The following PTPN4 variants were observed in gnomAD, a reference collection of about 807,000 sequenced individuals.
PTPN4 encodes the protein tyrosine-protein phosphatase non-receptor type 4.
PTPN4 carries 49 observed loss-of-function variants against 135.5 expected under a neutral mutation model. The observed-to-expected ratio is 0.36, with a 90% confidence interval of 0.29 to 0.46. The LOEUF (loss-of-function observed/expected upper bound fraction) is 0.46, where lower values mean the gene tolerates loss of function less well. PTPN4 is among the 20% of genes least tolerant of loss of function. The pLI, the probability that PTPN4 is intolerant of heterozygous loss-of-function variation, is 1.00. For synonymous variants in PTPN4, 333 were observed against 369.9 expected (o/e 0.90, Z 1.14); for missense variants, 860 against 1,101.0 (o/e 0.78, Z 3.10).
At chr2:119,937,419 A>G (rs146502134) in intron 15 of PTPN4, among the ~76,000 whole-genome samples, 41 of 152,294 alleles carry the variant, frequency 2.7e-4, no homozygotes, top group African/African-American at 9.9e-4. Context: ...GGTTGCTTAT[A>G]CTGTTTAGAA....
intron 13 of PTPN4, among the ~76,000 whole-genome samples, chr2:119,930,855 G>A (rs1450168983): frequency 1.3e-5 from 2 of 150,432 alleles, no homozygotes; most frequent in African/African-American, 4.9e-5. Context: ...CCATACAGAA[G>A]TGTATACATA....
chr2:119,925,417 T>G lies in PTPN4; in HGVS notation c.1002-1181T>G, dbSNP rs945481101. On this transcript the variant is annotated intron_variant, in intron 12 of 26. Coordinates refer to ENST00000263708, the MANE Select transcript of PTPN4 (RefSeq NM_002830.4). ...TGTGTATATTTATAGTTTTAAAAAGTTAAGCTTTGCGTTTGTAGTCCTTAA... is the reference window on the plus strand; with the variant it reads ...TGTGTATATTTATAGTTTTAAAAAGGTAAGCTTTGCGTTTGTAGTCCTTAA... 4.6e-5 allele frequency among the ~76,000 whole-genome samples: 7 copies of G among 152,348 alleles called. No individual in the cohort carries two copies. The East Asian group carries it at 1.3e-3, about 29-fold the overall frequency.
At chr2:119,843,404 C>T (rs559403962) in intron 2 of PTPN4, among the ~76,000 whole-genome samples, 12 of 141,538 alleles carry the variant, frequency 8.5e-5, no homozygotes, top group East Asian at 4.1e-4. Flanking sequence ...TACACAGACA[C>T]GGCAACCATC....
rs374227244 is a variant in PTPN4, at chr2:119,954,396, T to A, written c.1814-761T>A. On this transcript the variant is annotated intron_variant, in intron 19 of 26. Coordinates refer to ENST00000263708, the MANE Select transcript of PTPN4 (RefSeq NM_002830.4). ...CTTTTTTTCAAACCTCAGTTCTGGG[T>A]CCAGATAACCCTGAGCCTCTCCAGA... Among the ~76,000 whole-genome samples the A allele has an allele frequency of 1.1e-3, 165 of 152,216 alleles. 1 individual carries two copies. In the South Asian group the frequency reaches 0.012, roughly 11 times the overall value.
At chr2:119,953,388 T>A (rs1679236607) in intron 19 of PTPN4, among the ~76,000 whole-genome samples, 1 of 152,192 alleles carries the variant, frequency 6.6e-6, no homozygotes, top group Non-Finnish European at 1.5e-5. Flanking sequence ...TTGTACCTCT[T>A]GTTCACAAAT....
chr2:119,849,494 G>T (rs1456094776), intron 2 of PTPN4, among the ~76,000 whole-genome samples: 2 of 152,032 alleles, frequency 1.3e-5, no homozygotes, highest in East Asian at 3.9e-4. Context: ...CAGAGATGGG[G>T]TTTCACCTTG....
intron 6 of PTPN4, 28 bp from the exon 7 acceptor site, chr2:119,882,069 G>A (rs1678088649): frequency 1.3e-6 from 2 of 1,567,774 alleles, no homozygotes; most frequent in Non-Finnish European, 1.8e-6. Flanking sequence ...TTAACCTTCG[G>A]TTGTGTATTT....
chr2:119,893,144 T>G (rs1048151485), intron 9 of PTPN4, among the ~76,000 whole-genome samples: 2 of 152,216 alleles, frequency 1.3e-5, no homozygotes, highest in Non-Finnish European at 2.9e-5. Flanking sequence ...ACTTTTGTTT[T>G]GAGAGTATAC....
At chr2:119,881,428 C>T (rs999408128) in intron 5 of PTPN4, among the ~76,000 whole-genome samples, 1 of 152,180 alleles carries the variant, frequency 6.6e-6, no homozygotes, top group African/African-American at 2.4e-5. Flanking sequence ...TTACAATGCT[C>T]TTCCATGTTT....
chr2:119,761,892 G>C (rs1023679690), intron 1 of PTPN4, among the ~76,000 whole-genome samples: 13 of 152,158 alleles, frequency 8.5e-5, no homozygotes, highest in Admixed American at 2.6e-4. Context: ...TTCCTCAAAA[G>C]TAGTAATAGA....
intron 9 of PTPN4, among the ~76,000 whole-genome samples, chr2:119,892,011 T>G (rs1215512426): frequency 1.2e-4 from 18 of 152,210 alleles, no homozygotes; most frequent in Admixed American, 1.0e-3. Context: ...CATGCAGTAA[T>G]ATGGTCTCAT....
intron 3 of PTPN4, among the ~76,000 whole-genome samples, chr2:119,864,238 C>T (rs1450563367): frequency 6.6e-6 from 1 of 152,098 alleles, no homozygotes; most frequent in Non-Finnish European, 1.5e-5. Context: ...CTTCAGTCTG[C>T]AGCCCACATA....
At chr2:119,834,970 T>A (rs1431829617) in intron 2 of PTPN4, among the ~76,000 whole-genome samples, 1 of 152,146 alleles carries the variant, frequency 6.6e-6, no homozygotes, top group Non-Finnish European at 1.5e-5. Context: ...ATGTGAAAAA[T>A]TTTCCACTGA....
chr2:119,779,384 G>A (rs998949101), intron 1 of PTPN4, among the ~76,000 whole-genome samples: 5 of 152,180 alleles, frequency 3.3e-5, no homozygotes, highest in African/African-American at 1.2e-4. Context: ...TTGGGAGCCC[G>A]AGGCAGGCGT....
At chr2:119,976,928 G>A (rs771597329) in intron 26 of PTPN4, 56 bp from the exon 27 acceptor site, 1 of 1,562,974 alleles carries the variant, frequency 6.4e-7, no homozygotes, top group South Asian at 1.2e-5. Flanking sequence ...TGGGGGGAGA[G>A]GGGACGGTTT....
chr2:119,886,570 G>A (rs563035734), intron 9 of PTPN4, among the ~76,000 whole-genome samples: 2 of 152,260 alleles, frequency 1.3e-5, no homozygotes, highest in African/African-American at 4.8e-5. Context: ...AGTGAAAAGT[G>A]GAATTATAAT....
At position 119,977,770 on chromosome 2, in the gene PTPN4, T is replaced by C. The variant is rs1679639053; in HGVS notation, c.*700T>C. The C allele has an allele frequency of 6.6e-6, 1 of 152,228 alleles. No individual in the cohort carries two copies. Among genetic ancestry groups the C allele is most frequent in the Non-Finnish European group, 1.5e-5 (1 of 68,036 alleles). 9.4% of individuals were successfully genotyped at this position (152,228 alleles called of 1,614,324 possible). A position where few individuals can be genotyped will look rare whatever the true frequency, so the allele number is the denominator to read the frequency against. On this transcript the variant is annotated 3_prime_UTR_variant, in exon 27 of 27. Transcript: ENST00000263708. ...TAAGGTTGGCTTATTCCAAATCATG[T>C]GATTTCACATACTTGATGTAAAGGA...
intron 2 of PTPN4, among the ~76,000 whole-genome samples, chr2:119,812,186 G>A (rs1452954780): frequency 6.6e-6 from 1 of 152,150 alleles, no homozygotes; most frequent in African/African-American, 2.4e-5. Context: ...CTCCAGTTAT[G>A]TACTTTACAA....
At chr2:119,806,551 A>G (rs562164580) in intron 1 of PTPN4, among the ~76,000 whole-genome samples, 2 of 152,326 alleles carry the variant, frequency 1.3e-5, no homozygotes, top group South Asian at 2.1e-4. Flanking sequence ...TATGCACCCA[A>G]TACAGGAGCA....
Sources: allele counts gnomAD v4.1 joint callset (sites outside exome capture counted in the v4.1 genomes callset), GRCh38; gene constraint gnomAD v4.1.1; transcripts MANE v1.5; gene names NCBI Gene and HGNC (gene_info 2026-07-23, HGNC 2026-07-21).